The following ATP2C2 variants were observed in gnomAD, a reference collection of about 807,000 sequenced individuals.
ATP2C2 encodes calcium-transporting ATPase type 2C member 2.
Under a neutral mutation model 110.8 loss-of-function variants are expected in ATP2C2, and 171 were observed. The observed-to-expected ratio is 1.54, with a 90% CI of 1.36 to 1.75. The LOEUF is 1.75. Ranked by LOEUF, ATP2C2 falls within the 40% of genes most tolerant of loss-of-function variation. The probability of loss-of-function intolerance (pLI) is 0.00; values close to 1 mark genes in which losing one functional copy is unlikely to be tolerated. For missense variants in ATP2C2, 1,963 were observed against 1,235.0 expected, an observed-to-expected ratio of 1.59 and a Z score of -8.84; for synonymous variants, 804 against 508.4, an observed-to-expected ratio of 1.58 and a Z score of -7.82.
intron 10 of ATP2C2, among the ~76,000 whole-genome samples, chr16:84,424,325 C>A (rs1043743355): frequency 2.6e-5 from 4 of 152,190 alleles, no homozygotes; most frequent in Non-Finnish European, 5.9e-5. Flanking sequence ...GTTGCCCAGA[C>A]TGGAGAGCAG....
intron 1 of ATP2C2, among the ~76,000 whole-genome samples, chr16:84,384,058 G>C (rs1459593022): frequency 6.6e-6 from 1 of 152,076 alleles, no homozygotes; most frequent in South Asian, 2.1e-4. Flanking sequence ...CAAAGTGCTG[G>C]GATTATAGGT....
intron 4 of ATP2C2, among the ~76,000 whole-genome samples, 192 bp downstream of exon 4, chr16:84,408,686 C>T (rs1352257080): frequency 6.6e-6 from 1 of 152,134 alleles, no homozygotes; most frequent in Non-Finnish European, 1.5e-5. Context: ...TATTCGGCCA[C>T]TGCTTGCTTG....
At position 84,368,657 on chromosome 16, in the gene ATP2C2, C is replaced by A; in HGVS notation, c.42C>A (p.Gly14=). Residue 14 remains glycine, a synonymous_variant, in exon 1 of 27, where the codon GGC becomes GGA. Transcript: ENST00000262429. The part of the protein sequence containing the change: ...GRVSEFLKKL[G]FSGGGRQYQA... ...TCTCCGAGTTCCTGAAGAAACTCGG[C>A]TTCTCGGGCGGGGGCCGCCAGTACC... 6.4e-7 allele frequency: 1 copy of A among 1,565,192 alleles called. No individual in the cohort carries two copies. The highest frequency in any genetic ancestry group is 1.1e-5 in the South Asian group (1 of 87,004).
rs368020130 is a variant in ATP2C2 at position 84,439,236 on chromosome 16, C to T, written c.1057C>T (p.Arg353Trp). 4.8e-5 allele frequency: 78 copies of T among 1,612,154 alleles called. No homozygotes were observed. Among genetic ancestry groups the T allele is most frequent in the Non-Finnish European group, 5.3e-5 (63 of 1,180,022 alleles). ...GGTGACGCTGGTCCTGGGAGTGCTGCGGATGGCCAAGAAGCGGGTCATCGT... is the reference window on the plus strand; with the variant it reads ...GGTGACGCTGGTCCTGGGAGTGCTGTGGATGGCCAAGAAGCGGGTCATCGT... The part of the protein sequence containing the change: ...VMVTLVLGVL[R>W]MAKKRVIVKK... The change falls in exon 12 of 27, where the codon CGG becomes TGG. Residue 353 changes from arginine (R) to tryptophan (W), a missense_variant. Transcript: ENST00000262429.
chr16:84,422,495 A>C lies in ATP2C2; in HGVS notation c.730A>C (p.Asn244His). 6.2e-7 allele frequency: 1 copy of C among 1,614,092 alleles called. No individual in the cohort carries two copies. The highest frequency in any genetic ancestry group is 8.5e-7 in the Non-Finnish European group (1 of 1,180,020). Residue 244 changes from asparagine (N) to histidine (H), a missense_variant, in exon 8 of 27, where the codon AAC (asparagine) becomes CAC (histidine). Physicochemically the swap from Asn to His is moderately conservative, Grantham distance 68. Transcript: ENST00000262429. ...TGGGDLTTLS[N>H]IVFMGTLVQY... is the part of the protein sequence containing the mutation. The stretch of plus-strand genomic sequence containing the variant: ...CGGTGGGGACCTCACCACCCTCAGC[A>C]ACATCGTCTTCATGGGGACCCTGGT...
intron 17 of ATP2C2, among the ~76,000 whole-genome samples, chr16:84,449,806 T>C (rs1040375237): frequency 1.3e-5 from 2 of 152,212 alleles, no homozygotes; most frequent in African/African-American, 2.4e-5. Flanking sequence ...CCTGTTCTTG[T>C]CACATCACGC....
At chr16:84,408,379 G>T in intron 3 of ATP2C2, 26 bp from the exon 4 acceptor site, 1 of 1,605,678 alleles carries the variant, frequency 6.2e-7, no homozygotes, top group Non-Finnish European at 8.5e-7. Flanking sequence ...TAAAGAACGT[G>T]CCCCACCCTG....
chr16:84,461,405 C>G (rs767589130), intron 24 of ATP2C2: 1 of 506,934 alleles, frequency 2.0e-6, no homozygotes, highest in Non-Finnish European at 3.5e-6. Context: ...AAATGACCTT[C>G]ACTCTGGGTT....
At chr16:84,411,605 C>G (rs1226902051) in intron 6 of ATP2C2, among the ~76,000 whole-genome samples, 1 of 152,162 alleles carries the variant, frequency 6.6e-6, no homozygotes, top group Non-Finnish European at 1.5e-5. Context: ...CTACACCTGG[C>G]TAATTTTTAT....
intron 1 of ATP2C2, among the ~76,000 whole-genome samples, chr16:84,393,232 G>C (rs930138393): frequency 6.6e-6 from 1 of 152,202 alleles, no homozygotes. Context: ...TTATGGAGCT[G>C]TGTGATTGGA....
intron 1 of ATP2C2, among the ~76,000 whole-genome samples, chr16:84,389,206 G>C (rs1597744129): frequency 6.6e-6 from 1 of 152,154 alleles, no homozygotes; most frequent in African/African-American, 2.4e-5. Context: ...CCGTTTTCTT[G>C]TTCTTCTCAG....
chr16:84,371,994 G>A (rs528153903), intron 1 of ATP2C2, among the ~76,000 whole-genome samples: 13 of 152,308 alleles, frequency 8.5e-5, no homozygotes, highest in South Asian at 2.1e-4. Flanking sequence ...GGAGAAAGAC[G>A]TGATGTTTAA....
At chr16:84,395,931 T>C (rs1904945643) in intron 1 of ATP2C2, among the ~76,000 whole-genome samples, 1 of 152,148 alleles carries the variant, frequency 6.6e-6, no homozygotes, top group African/African-American at 2.4e-5. Flanking sequence ...AATATTTGCC[T>C]CCAAAACTCT....
At position 84,462,116 on chromosome 16, in the gene ATP2C2, C is replaced by G. The variant is rs377304288; in HGVS notation, c.2709C>G (p.Asn903Lys). 6.8e-5 allele frequency: 109 copies of G among 1,613,256 alleles called. No homozygotes were observed. Among genetic ancestry groups the G allele is most frequent in the Non-Finnish European group, 8.9e-5 (105 of 1,179,602 alleles). ...PPLQRVFQTE[N>K]LGALDLLFLT... ...TGCAGAGGGTCTTCCAGACGGAGAACCTGGGAGCGCTTGGTGAGTGGTGGG... is the reference window on the plus strand; with the variant it reads ...TGCAGAGGGTCTTCCAGACGGAGAAGCTGGGAGCGCTTGGTGAGTGGTGGG... Residue 903 changes from asparagine (N) to lysine (K), a missense_variant, in exon 26 of 27, where the codon AAC becomes AAG. Physicochemically the swap from Asn to Lys is moderately conservative, Grantham distance 94 (BLOSUM62 0). Coordinates refer to ENST00000262429, the MANE Select transcript of ATP2C2 (RefSeq NM_014861.4).
intron 1 of ATP2C2, among the ~76,000 whole-genome samples, chr16:84,375,121 G>A (rs553103343): frequency 1.3e-5 from 2 of 152,320 alleles, no homozygotes; most frequent in Non-Finnish European, 2.9e-5. Context: ...GCCATGAGTA[G>A]AGGTTTGTTT....
intron 6 of ATP2C2, among the ~76,000 whole-genome samples, chr16:84,413,402 G>T (rs894888113): frequency 6.6e-6 from 1 of 152,182 alleles, no homozygotes; most frequent in African/African-American, 2.4e-5. Flanking sequence ...GGGACAAGAA[G>T]AGGATGATAC....
intron 11 of ATP2C2, among the ~76,000 whole-genome samples, chr16:84,434,654 G>A (rs1908583998): frequency 6.6e-6 from 1 of 151,654 alleles, no homozygotes; most frequent in Admixed American, 6.6e-5. Flanking sequence ...AAGTAGCTGG[G>A]ACTACAGGTG....
chr16:84,459,688 C>G, intron 23 of ATP2C2: 3 of 1,162,570 alleles, frequency 2.6e-6, no homozygotes, highest in Admixed American at 4.3e-5. Context: ...CCAGTCACTG[C>G]CTTCAGGAAG....
At chr16:84,412,299 T>TGC (rs1244781703) in intron 6 of ATP2C2, among the ~76,000 whole-genome samples, 15 of 69,630 alleles carry the variant, frequency 2.2e-4, no homozygotes, top group East Asian at 7.9e-4. Context: ...TATGTGTGTG[T>TGC]GTGAGCATGT....
Sources: gnomAD v4.1 joint callset for allele counts (sites outside exome capture counted in the v4.1 genomes callset) on GRCh38, gnomAD v4.1.1 for gene constraint, MANE v1.5 for transcripts, NCBI Gene and HGNC (gene_info 2026-07-23, HGNC 2026-07-21) for gene names.